Variants in XRCC4 observed in about 807,000 individuals in gnomAD.
XRCC4 encodes the protein DNA repair protein XRCC4.
In XRCC4, 28 loss-of-function variants were observed where a neutral mutation model predicts 39.1. The observed-to-expected ratio is 0.72, with a 90% CI of 0.53 to 0.98. The LOEUF is 0.98. Among genes scored for constraint, XRCC4 ranks in the 50% least tolerant of loss-of-function variants. XRCC4 has a pLI of 0.00. For synonymous variants in XRCC4, 123 were observed against 126.4 expected, an observed-to-expected ratio of 0.97 and a Z score of 0.18; for missense variants, 350 against 376.4, an observed-to-expected ratio of 0.93 and a Z score of 0.58.
At chr5:83,289,001 G>A (rs1274852126) in intron 7 of XRCC4, among the ~76,000 whole-genome samples, 1 of 149,386 alleles carries the variant, frequency 6.7e-6, no homozygotes, top group Non-Finnish European at 1.5e-5. Context: ...ATCATTTTTT[G>A]TTGACCTGTT....
chr5:83,114,783 G>T (rs1290270044), intron 3 of XRCC4, among the ~76,000 whole-genome samples: 1 of 152,064 alleles, frequency 6.6e-6, no homozygotes, highest in Non-Finnish European at 1.5e-5. Flanking sequence ...ACATTTTCGG[G>T]TACCTTTATA....
chr5:83,213,092 G>A (rs1036828898), intron 6 of XRCC4, among the ~76,000 whole-genome samples: 1 of 151,994 alleles, frequency 6.6e-6, no homozygotes, highest in East Asian at 1.9e-4. Context: ...CAGCGGTATA[G>A]CATTTACAAA....
chr5:83,081,567 T>A (rs975609809), intron 1 of XRCC4, among the ~76,000 whole-genome samples: 5 of 152,192 alleles, frequency 3.3e-5, no homozygotes, highest in Non-Finnish European at 1.5e-5. Flanking sequence ...AGATGATAGG[T>A]GTTAATCTCC....
At chr5:83,295,151 G>A (rs1285633218) in intron 7 of XRCC4, among the ~76,000 whole-genome samples, 2 of 151,898 alleles carry the variant, frequency 1.3e-5, no homozygotes, top group East Asian at 3.9e-4. Flanking sequence ...ATACTAATGT[G>A]CATCATGAAC....
intron 3 of XRCC4, among the ~76,000 whole-genome samples, chr5:83,168,558 C>T (rs1395308786): frequency 6.6e-6 from 1 of 152,050 alleles, no homozygotes; most frequent in Non-Finnish European, 1.5e-5. Flanking sequence ...TCTCTTCTAG[C>T]AATTAGAGAA....
chr5:83,129,583 C>G (rs911370520), intron 3 of XRCC4, among the ~76,000 whole-genome samples: 1 of 152,004 alleles, frequency 6.6e-6, no homozygotes, highest in East Asian at 1.9e-4. Context: ...GCCATTTTCA[C>G]AATATTGATT....
chr5:83,279,674 G>A (rs1754467813), intron 7 of XRCC4, among the ~76,000 whole-genome samples: 1 of 152,140 alleles, frequency 6.6e-6, no homozygotes, highest in African/African-American at 2.4e-5. Context: ...TTCAATTTCT[G>A]CTTAGAAGAA....
At chr5:83,252,459 AC>A (rs1428322394) in intron 6 of XRCC4, among the ~76,000 whole-genome samples, 1 of 151,018 alleles carries the variant, frequency 6.6e-6, no homozygotes, top group Non-Finnish European at 1.5e-5. Context: ...TATTTATCTT[AC>A]TTTTTTTTTT....
chr5:83,290,177 T>C (rs1561457089), intron 7 of XRCC4, among the ~76,000 whole-genome samples: 2 of 151,768 alleles, frequency 1.3e-5, no homozygotes, highest in South Asian at 4.1e-4. Flanking sequence ...ATCTAATTGG[T>C]ATAAAAAAAG....
intron 1 of XRCC4, among the ~76,000 whole-genome samples, chr5:83,095,840 C>T (rs758932833): frequency 9.2e-5 from 14 of 152,072 alleles, no homozygotes; most frequent in Non-Finnish European, 1.5e-4. Flanking sequence ...AAGCCTATTC[C>T]GGTATTATTA....
At chr5:83,129,643 T>G (rs1747461238) in intron 3 of XRCC4, among the ~76,000 whole-genome samples, 1 of 152,140 alleles carries the variant, frequency 6.6e-6, no homozygotes, top group Non-Finnish European at 1.5e-5. Context: ...GTGTCCTCTT[T>G]TATTTCATTG....
Position 83,254,154 on chromosome 5 carries a change from C to CA in XRCC4, c.746-4367dup, listed in dbSNP as rs796369177. On this transcript the variant is annotated intron_variant, in intron 6 of 7. Coordinates refer to ENST00000396027, the MANE Select transcript of XRCC4 (RefSeq NM_003401.5). Reference sequence around the variant, plus strand: ...AATGGTAAAAGACATGTTGTCGTGACAAAAAAAAATGATTGCAATATTAAA... The same window carrying CA: ...AATGGTAAAAGACATGTTGTCGTGACAAAAAAAAAATGATTGCAATATTAAA... Among the ~76,000 whole-genome samples, 805 of 137,146 alleles carry CA rather than the reference C, an allele frequency of 5.9e-3. 5 individuals carry two copies. The highest frequency in any genetic ancestry group is 0.019 in the African/African-American group (681 of 36,718). 90.0% of individuals were successfully genotyped at this position (137,146 alleles called of 152,430 possible).
chr5:83,244,964 ACTG>A (rs1210143722), intron 6 of XRCC4, among the ~76,000 whole-genome samples: 9 of 152,198 alleles, frequency 5.9e-5, no homozygotes, highest in Non-Finnish European at 7.3e-5. Flanking sequence ...TACTAATAAT[ACTG>A]CTGTTTTGAA....
At chr5:83,314,251 A>T (rs1313951674) in intron 7 of XRCC4, among the ~76,000 whole-genome samples, 1 of 152,192 alleles carries the variant, frequency 6.6e-6, no homozygotes, top group African/African-American at 2.4e-5. Flanking sequence ...GATGTAAGTA[A>T]TGCTGTTCTA....
intron 3 of XRCC4, among the ~76,000 whole-genome samples, chr5:83,138,857 T>G (rs1748027586): frequency 6.6e-6 from 1 of 152,246 alleles, no homozygotes; most frequent in East Asian, 1.9e-4. Flanking sequence ...GTTTTCTGGC[T>G]TGTTATAGTT....
At chr5:83,126,119 T>TGCTGCCTGATGC (rs1747251485) in intron 3 of XRCC4, among the ~76,000 whole-genome samples, 2 of 151,852 alleles carry the variant, frequency 1.3e-5, no homozygotes, top group East Asian at 2.0e-4. Context: ...ACTCTATTTA[T>TGCTGCCTGATGC]TTAAAAAAAT....
At chr5:83,299,120 G>A (rs938558190) in intron 7 of XRCC4, among the ~76,000 whole-genome samples, 1 of 151,936 alleles carries the variant, frequency 6.6e-6, no homozygotes, top group Non-Finnish European at 1.5e-5. Context: ...AGTTCCACTG[G>A]AAGCAAACTT....
intron 3 of XRCC4, among the ~76,000 whole-genome samples, chr5:83,156,497 A>G (rs1748972555): frequency 6.6e-6 from 1 of 152,114 alleles, no homozygotes; most frequent in Non-Finnish European, 1.5e-5. Flanking sequence ...TTATTGTGAT[A>G]ATCGTATTTC....
intron 7 of XRCC4, among the ~76,000 whole-genome samples, chr5:83,352,453 T>A (rs894738439): frequency 2.0e-5 from 3 of 152,184 alleles, no homozygotes; most frequent in African/African-American, 7.2e-5. Context: ...CTAAGACCAA[T>A]TAATAGTGAT....
Sources: gnomAD v4.1 joint callset for allele counts (sites outside exome capture counted in the v4.1 genomes callset) on GRCh38, gnomAD v4.1.1 for gene constraint, MANE v1.5 for transcripts, NCBI Gene and HGNC (gene_info 2026-07-23, HGNC 2026-07-21) for gene names.